Variants in CASP5 observed in about 807,000 individuals in gnomAD.
The protein encoded by CASP5 is caspase-5.
CASP5 carries 42 observed loss-of-function variants against 45.2 expected under a neutral mutation model. The ratio of observed to expected loss-of-function variants is 0.93; its 90% CI spans 0.73 to 1.20. The LOEUF (loss-of-function observed/expected upper bound fraction) is 1.20, where lower values mean the gene tolerates loss of function less well. Among genes scored for constraint, CASP5 ranks in the 50% most tolerant of loss-of-function variants. The pLI is 0.00. For missense variants in CASP5, 512 were observed against 532.2 expected (o/e 0.96, Z 0.37); for synonymous variants, 209 against 186.2 (o/e 1.12, Z -1.00).
chr11:105,021,904 C>T (rs972089631), intron 1 of CASP5, among the ~76,000 whole-genome samples: 54 of 149,134 alleles, frequency 3.6e-4, no homozygotes, highest in African/African-American at 1.3e-3. Context: ...AGACTTGGAA[C>T]CAACCCAAAT....
At chr11:105,005,396 GTA>G (rs1555078311) in intron 3 of CASP5, among the ~76,000 whole-genome samples, 1 of 142,418 alleles carries the variant, frequency 7.0e-6, no homozygotes, top group Non-Finnish European at 1.5e-5. Context: ...GTGTGTGTGT[GTA>G]AACAGTTAAA....
At position 105,002,094 on chromosome 11, in the gene CASP5, C is replaced by A. The variant is rs904512432; in HGVS notation, c.651G>T (p.Val217=). The A allele has an allele frequency of 3.1e-6, 5 of 1,614,026 alleles. No homozygotes were observed. The African/African-American group carries it at 6.7e-5, about 22-fold the overall frequency. Residue 217 remains valine, a synonymous_variant, in exon 5 of 10, where the codon GTG becomes GTT. Transcript: ENST00000260315. ...PARNGAHYDI[V]GMKRLLQGLG... Reference sequence around the variant, plus strand: ...GGCCTTGAAGCAGCCTTTTCATCCCCACGATGTCATAGTGAGCCCCATTCC... The same window carrying A: ...GGCCTTGAAGCAGCCTTTTCATCCCAACGATGTCATAGTGAGCCCCATTCC...
At chr11:104,995,971 C>T in intron 8 of CASP5, 129 bp from the exon 9 acceptor site, 1 of 598,926 alleles carries the variant, frequency 1.7e-6, no homozygotes, top group Non-Finnish European at 3.0e-6. Flanking sequence ...CATGGATATT[C>T]CAACTCCTTA....
chr11:105,009,928 TAC>T (rs111284189), intron 1 of CASP5, among the ~76,000 whole-genome samples: 41,399 of 138,638 alleles, frequency 0.3, 6,335 homozygotes, highest in Non-Finnish European at 0.34. Context: ...TATACACACA[TAC>T]ACACACACAC....
At chr11:105,022,054 A>T (rs374494623) in intron 1 of CASP5, among the ~76,000 whole-genome samples, 1 of 150,972 alleles carries the variant, frequency 6.6e-6, no homozygotes, top group East Asian at 2.0e-4. Context: ...GTAAACTATC[A>T]CAAGAACAAA....
At chr11:105,005,512 C>T (rs1475722278) in intron 3 of CASP5, among the ~76,000 whole-genome samples, 1 of 152,128 alleles carries the variant, frequency 6.6e-6, no homozygotes, top group Non-Finnish European at 1.5e-5. Flanking sequence ...TAGCCAAGGC[C>T]TGTACCTCTT....
rs1367664059 is a variant in CASP5 at position 105,003,394 on chromosome 11, T to A, written c.434-11A>T. 1 of 1,468,660 alleles carries A rather than the reference T, an allele frequency of 6.8e-7. No homozygotes were observed. Among genetic ancestry groups the A allele is most frequent in the Non-Finnish European group, 9.4e-7 (1 of 1,067,738 alleles). The allele number at this position is 1,468,660 out of a possible 1,614,324, so 91.0% of individuals were successfully genotyped here. On this transcript the variant is annotated splice_polypyrimidine_tract_variant and intron_variant, in intron 3 of 9. Transcript: ENST00000260315. The stretch of plus-strand genomic sequence containing the variant: ...CGATTTGCAGAAGAGCTGTGGGATA[T>A]CACAAAATATAAATTATGGTTTCTG...
At chr11:105,013,392 A>C (rs1010854529) in intron 1 of CASP5, among the ~76,000 whole-genome samples, 1 of 151,652 alleles carries the variant, frequency 6.6e-6, no homozygotes, top group Non-Finnish European at 1.5e-5. Context: ...AAATTGTTTG[A>C]CAGTGTAAAT....
chr11:105,006,820 T>C (rs2134717918), intron 3 of CASP5, among the ~76,000 whole-genome samples: 1 of 152,322 alleles, frequency 6.6e-6, no homozygotes, highest in African/African-American at 2.4e-5. Context: ...AGTTTGGGTT[T>C]AGGTATCTCC....
rs752219312 is a variant in CASP5, at chr11:105,001,995, T to C, written c.717+33A>G. 10 of 1,600,062 alleles carry C rather than the reference T, an allele frequency of 6.2e-6. No homozygotes were observed. The Admixed American group carries it at 1.0e-4, about 17-fold the overall frequency. On this transcript the variant is annotated intron_variant, in intron 5 of 9. Transcript: ENST00000260315. Reference sequence around the variant, plus strand: ...TTATTAGAAGAATCTGTGTTGCCTATGGATGAGTGTGAGATGGCTTAGGGG... The same window carrying C: ...TTATTAGAAGAATCTGTGTTGCCTACGGATGAGTGTGAGATGGCTTAGGGG...
At chr11:105,015,154 G>A (rs749259190) in intron 1 of CASP5, among the ~76,000 whole-genome samples, 49 of 152,196 alleles carry the variant, frequency 3.2e-4, no homozygotes, top group Non-Finnish European at 6.6e-4. Flanking sequence ...CAGAACATTA[G>A]AGTGTTGAGT....
At chr11:105,021,428 T>A (rs1044382786) in intron 1 of CASP5, among the ~76,000 whole-genome samples, 15 of 147,946 alleles carry the variant, frequency 1.0e-4, no homozygotes, top group Middle Eastern at 6.9e-3. Context: ...AGGGCTAATA[T>A]CCAGAATCTA....
chr11:105,011,625 G>T lies in CASP5; in HGVS notation c.8-2645C>A, dbSNP rs1862349717. Among the ~76,000 whole-genome samples the T allele has an allele frequency of 1.3e-5, 2 of 151,550 alleles. 1 individual carries two copies. Among genetic ancestry groups the T allele is most frequent in the Admixed American group, 1.3e-4 (2 of 15,202 alleles). On this transcript the variant is annotated intron_variant, in intron 1 of 9. Transcript: ENST00000260315. ...AAGTTGAAGGATACAAAAACAACAT[G>T]CAAAAATTAGTATCATTTTTATAAC...
At chr11:105,000,153 T>G (rs1462642204) in intron 6 of CASP5, 108 bp downstream of exon 6, 1 of 1,148,768 alleles carries the variant, frequency 8.7e-7, no homozygotes, top group Non-Finnish European at 1.3e-6. Flanking sequence ...CAATGTACTT[T>G]ATTTGCACTG....
In CASP5 at chr11:105,002,059, G is replaced by C; in HGVS notation, c.686C>G (p.Thr229Ser). ...TGTGAGATTCTTTTCGTCAACCACA[G>C]TGTAGCCCAGGCCTTGAAGCAGCCT... ...MKRLLQGLGY[T>S]VVDEKNLTAR... is the part of the protein sequence containing the mutation. Residue 229 changes from threonine to serine, a missense_variant, in exon 5 of 10, where the codon ACT becomes AGT. Transcript: ENST00000260315. 6.2e-7 allele frequency: 1 copy of C among 1,614,154 alleles called. No individual in the cohort carries two copies. Among genetic ancestry groups the C allele is most frequent in the South Asian group, 1.1e-5 (1 of 91,084 alleles).
intron 1 of CASP5, among the ~76,000 whole-genome samples, chr11:105,014,046 T>C (rs1318939796): frequency 2.6e-5 from 4 of 152,112 alleles, no homozygotes; most frequent in Non-Finnish European, 5.9e-5. Flanking sequence ...ATAAACCTTC[T>C]TTTTGTCCTT....
chr11:105,001,136 C>A (rs570236698), intron 5 of CASP5, among the ~76,000 whole-genome samples: 31 of 152,330 alleles, frequency 2.0e-4, no homozygotes, highest in Non-Finnish European at 3.4e-4. Flanking sequence ...CGCACCCCAT[C>A]CAACATTCTC....
At chr11:105,018,695 CATT>C (rs1862770081) in intron 1 of CASP5, among the ~76,000 whole-genome samples, 1 of 145,710 alleles carries the variant, frequency 6.9e-6, no homozygotes, top group African/African-American at 2.5e-5. Context: ...GACTCCCACA[CATT>C]AATAATGGGA....
chr11:105,020,686 T>C (rs1862904367), intron 1 of CASP5, among the ~76,000 whole-genome samples: 1 of 152,120 alleles, frequency 6.6e-6, no homozygotes, highest in Non-Finnish European at 1.5e-5. Flanking sequence ...GAACATTCCA[T>C]GCTCATGGGT....
Sources: allele counts gnomAD v4.1 joint callset (sites outside exome capture counted in the v4.1 genomes callset), GRCh38; gene constraint gnomAD v4.1.1; transcripts MANE v1.5; gene names NCBI Gene and HGNC (gene_info 2026-07-23, HGNC 2026-07-21).